The following DAB1 variants were observed in gnomAD, a reference collection of about 807,000 sequenced individuals.
The protein encoded by DAB1 is disabled homolog 1.
In DAB1, 15 loss-of-function variants were observed where a neutral mutation model predicts 64.6. The ratio of observed to expected loss-of-function variants is 0.23; its 90% CI spans 0.16 to 0.36. The LOEUF (loss-of-function observed/expected upper bound fraction) is 0.36. Ranked by LOEUF, DAB1 falls within the 10% of genes least tolerant of loss-of-function variation. The pLI, the probability that DAB1 is intolerant of heterozygous loss-of-function variation, is 1.00. For missense variants in DAB1, 596 were observed against 706.7 expected (o/e 0.84, Z 1.78); for synonymous variants, 235 against 251.9 (o/e 0.93, Z 0.64).
chr1:57,583,253 C>A (rs1428695030), intron 7 of DAB1, among the ~76,000 whole-genome samples: 1 of 151,780 alleles, frequency 6.6e-6, no homozygotes, highest in Admixed American at 6.6e-5. Flanking sequence ...TAGACACATG[C>A]CCTCTCTGAG....
chr1:58,527,170 C>A, intron 2 of DAB1: 1 of 776,966 alleles, frequency 1.3e-6, no homozygotes, highest in African/African-American at 1.7e-5. Flanking sequence ...AACTCTCATT[C>A]TCTGCTTATG....
At chr1:57,933,039 AG>A (rs1644975719) in intron 5 of DAB1, among the ~76,000 whole-genome samples, 1 of 152,164 alleles carries the variant, frequency 6.6e-6, no homozygotes, top group Non-Finnish European at 1.5e-5. Flanking sequence ...CAAAAGCACT[AG>A]GAGGTTTTTC....
chr1:57,069,240 CTCAAAGGTATTTT>C, intron 8 of DAB1, 107 bp downstream of exon 8: 1 of 799,298 alleles, frequency 1.3e-6, no homozygotes, highest in Non-Finnish European at 2.1e-6. Context: ...AGCCATTTCA[CTCAAAGGTATTTT>C]AACAAGCCAG....
At chr1:57,920,002 T>C (rs571541054) in intron 5 of DAB1, among the ~76,000 whole-genome samples, 2 of 152,342 alleles carry the variant, frequency 1.3e-5, no homozygotes, top group African/African-American at 4.8e-5. Context: ...AGTTTATTTT[T>C]CCTAAATTGC....
intron 7 of DAB1, among the ~76,000 whole-genome samples, chr1:57,626,227 A>T (rs915364441): frequency 1.3e-5 from 2 of 152,122 alleles, no homozygotes; most frequent in Non-Finnish European, 2.9e-5. Flanking sequence ...GGTAGCAGTG[A>T]GGAGCTGGTG....
At chr1:58,411,025 A>G (rs189052211) in intron 3 of DAB1, among the ~76,000 whole-genome samples, 2 of 152,356 alleles carry the variant, frequency 1.3e-5, no homozygotes, top group African/African-American at 4.8e-5. Context: ...CTTGGAGACC[A>G]TCTAATTTAA....
intron 2 of DAB1, among the ~76,000 whole-genome samples, chr1:57,275,189 T>C (rs1044596588): frequency 3.9e-5 from 6 of 152,128 alleles, no homozygotes; most frequent in Non-Finnish European, 5.9e-5. Flanking sequence ...CAAGCAATGA[T>C]GGATGCCAAG....
intron 12 of DAB1, among the ~76,000 whole-genome samples, chr1:57,014,431 A>G (rs1463683672): frequency 1.3e-5 from 2 of 152,238 alleles, no homozygotes; most frequent in Non-Finnish European, 2.9e-5. Context: ...TAAAGTTTGC[A>G]TTCATTTTAT....
At chr1:57,555,457 C>A (rs556140916) in intron 7 of DAB1, among the ~76,000 whole-genome samples, 1 of 142,722 alleles carries the variant, frequency 7.0e-6, no homozygotes, top group East Asian at 2.1e-4. Context: ...TTCATGGAAA[C>A]TAAACAAACA....
intron 3 of DAB1, among the ~76,000 whole-genome samples, chr1:58,385,976 A>G (rs781123703): frequency 8.5e-5 from 13 of 152,210 alleles, no homozygotes; most frequent in Non-Finnish European, 1.9e-4. Flanking sequence ...TACTCAGCCA[A>G]CTACATGGGA....
intron 6 of DAB1, among the ~76,000 whole-genome samples, chr1:57,700,264 C>CT (rs563897182): frequency 1.3e-5 from 2 of 152,142 alleles, no homozygotes; most frequent in East Asian, 1.9e-4. Context: ...CATTATCATA[C>CT]TTTTTTTAAG....
intron 4 of DAB1, among the ~76,000 whole-genome samples, chr1:58,273,939 T>A (rs1273695486): frequency 1.8e-4 from 18 of 97,316 alleles, no homozygotes; most frequent in Middle Eastern, 8.8e-3. Context: ...TTTCAACTTC[T>A]TTGCCTTTGG....
At chr1:57,454,326 A>G (rs1686500655) in intron 7 of DAB1, among the ~76,000 whole-genome samples, 1 of 152,198 alleles carries the variant, frequency 6.6e-6, no homozygotes, top group African/African-American at 2.4e-5. Context: ...ATGCAGTCAT[A>G]AAAAAGAATG....
At chr1:58,518,383 GAAAAGAA>G (rs1053558042) in intron 2 of DAB1, among the ~76,000 whole-genome samples, 7 of 150,442 alleles carry the variant, frequency 4.7e-5, no homozygotes, top group Non-Finnish European at 7.4e-5. Context: ...GGGAAGAAAA[GAAAAGAA>G]AAAAGAAAAG....
intron 4 of DAB1, among the ~76,000 whole-genome samples, chr1:58,284,838 T>C (rs1661646286): frequency 6.6e-6 from 1 of 152,208 alleles, no homozygotes; most frequent in African/African-American, 2.4e-5. Context: ...CACACATGAA[T>C]AAAAGCAGCA....
intron 6 of DAB1, among the ~76,000 whole-genome samples, chr1:57,743,804 T>C (rs2101794078): frequency 6.6e-6 from 1 of 152,350 alleles, no homozygotes; most frequent in Admixed American, 6.5e-5. Flanking sequence ...TGAGAGCCCC[T>C]AACAGAGATT....
In DAB1 at chr1:58,213,632, C is replaced by T. The variant is rs536108538; in HGVS notation, n.310-63044G>A. Among the ~76,000 whole-genome samples the T allele has an allele frequency of 2.6e-5, 4 of 152,232 alleles. No individual in the cohort carries two copies. The South Asian group carries it at 8.3e-4, about 32-fold the overall frequency. ...CTCCCACTGGGTCCCTCCCACAACA[C>T]CTGGGGATTATGGGAACTACAATTC... On this transcript the variant is annotated intron_variant and non_coding_transcript_variant, in intron 4 of 20. Coordinates refer to the DAB1 transcript ENST00000485760.
intron 5 of DAB1, among the ~76,000 whole-genome samples, chr1:58,058,774 T>A (rs1648306052): frequency 6.6e-6 from 1 of 152,330 alleles, no homozygotes; most frequent in South Asian, 2.1e-4. Flanking sequence ...GTAAAATAAA[T>A]GGAAATTGCA....
chr1:57,595,895 C>T (rs1317995057), intron 7 of DAB1, among the ~76,000 whole-genome samples: 1 of 152,144 alleles, frequency 6.6e-6, no homozygotes, highest in African/African-American at 2.4e-5. Context: ...CCTGAGACCT[C>T]CCCAGAAGCC....
Sources: gnomAD v4.1 joint callset for allele counts (sites outside exome capture counted in the v4.1 genomes callset) on GRCh38, gnomAD v4.1.1 for gene constraint, MANE v1.5 for transcripts, NCBI Gene and HGNC (gene_info 2026-07-23, HGNC 2026-07-21) for gene names.